Variants in GLRA3 observed in about 807,000 individuals in gnomAD.
The protein encoded by GLRA3 is glycine receptor subunit alpha-3.
GLRA3 carries 44 observed loss-of-function variants against 60.4 expected under a neutral mutation model. The observed-to-expected ratio is 0.73, with a 90% CI of 0.57 to 0.94. The LOEUF is 0.94. Ranked by LOEUF, GLRA3 falls within the 40% of genes least tolerant of loss-of-function variation. GLRA3 has a pLI of 0.00. For synonymous variants in GLRA3, 223 were observed against 192.9 expected, an observed-to-expected ratio of 1.16 and a Z score of -1.29; for missense variants, 508 against 564.6, an observed-to-expected ratio of 0.90 and a Z score of 1.02.
chr4:174,819,787 T>C (rs532618533), intron 1 of GLRA3, among the ~76,000 whole-genome samples: 159 of 152,306 alleles, frequency 1.0e-3, no homozygotes, highest in African/African-American at 3.2e-3. Flanking sequence ...AATTGGAAAC[T>C]TATTAGAGAT....
At chr4:174,688,352 TATATA>T (rs1285367245) in intron 5 of GLRA3, among the ~76,000 whole-genome samples, 1 of 133,738 alleles carries the variant, frequency 7.5e-6, no homozygotes, top group African/African-American at 2.8e-5. Context: ...TATATATATA[TATATA>T]TATATATATA....
chr4:174,665,604 C>T (rs2110912727), intron 7 of GLRA3, among the ~76,000 whole-genome samples: 1 of 152,236 alleles, frequency 6.6e-6, no homozygotes, highest in South Asian at 2.1e-4. Flanking sequence ...GATGAGATGT[C>T]TATCCTAATA....
At chr4:174,700,650 G>T (rs946563492) in intron 5 of GLRA3, among the ~76,000 whole-genome samples, 3 of 152,200 alleles carry the variant, frequency 2.0e-5, no homozygotes, top group Non-Finnish European at 2.9e-5. Flanking sequence ...TGGCACCTAA[G>T]AGTTAACCAA....
intron 8 of GLRA3, among the ~76,000 whole-genome samples, chr4:174,657,303 G>A (rs535365661): frequency 6.6e-6 from 1 of 152,250 alleles, no homozygotes; most frequent in South Asian, 2.1e-4. Flanking sequence ...GATGTGTGGT[G>A]GATGTAGGAT....
At chr4:174,754,597 T>C (rs989149036) in intron 3 of GLRA3, among the ~76,000 whole-genome samples, 5 of 152,160 alleles carry the variant, frequency 3.3e-5, no homozygotes, top group African/African-American at 1.2e-4. Flanking sequence ...TGAATGCTAT[T>C]ATGGTACTTA....
At chr4:174,691,842 C>T (rs547604714) in intron 5 of GLRA3, among the ~76,000 whole-genome samples, 2,309 of 152,018 alleles carry the variant, frequency 0.015, 61 homozygotes, top group African/African-American at 0.051. Context: ...AGCGTCTCTG[C>T]CTGGCCGCCC....
chr4:174,653,106 C>T (rs1402059432), intron 9 of GLRA3, among the ~76,000 whole-genome samples: 3 of 152,046 alleles, frequency 2.0e-5, no homozygotes, highest in Non-Finnish European at 2.9e-5. Context: ...TTTTTTGTAA[C>T]TTTATTACCA....
At position 174,677,287 on chromosome 4, in the gene GLRA3, A is replaced by G; in HGVS notation, c.718T>C (p.Phe240Leu). ...YCTKHYNTGK[F>L]TCIEVRFHLE... Reference sequence around the variant, plus strand: ...TGGAATCGCACTTCTATACACGTAAACTTTCCTAATTGGTGGTAAGGTAAA... The same window carrying G: ...TGGAATCGCACTTCTATACACGTAAGCTTTCCTAATTGGTGGTAAGGTAAA... Residue 240 changes from phenylalanine to leucine, a missense_variant, in exon 7 of 10, where the codon TTT (phenylalanine) becomes CTT (leucine). Around this residue, in one of 3 missense-constraint regions of GLRA3, gnomAD observed 329 missense variants for 349.3 expected, o/e 0.94. Transcript: ENST00000274093. 1 of 1,592,128 alleles carries G rather than the reference A, an allele frequency of 6.3e-7. No individual in the cohort carries two copies. Among genetic ancestry groups the G allele is most frequent in the Non-Finnish European group, 8.6e-7 (1 of 1,161,116 alleles).
chr4:174,738,358 C>A (rs574426383), intron 3 of GLRA3, among the ~76,000 whole-genome samples: 1 of 152,222 alleles, frequency 6.6e-6, no homozygotes, highest in Non-Finnish European at 1.5e-5. Context: ...GTAGAGAACA[C>A]CACTCATTTT....
At position 174,643,557 on chromosome 4, in the gene GLRA3, C is replaced by T. The variant is rs943428799; in HGVS notation, c.*229G>A. 8.4e-7 allele frequency: 1 copy of T among 1,193,494 alleles called. No individual in the cohort carries two copies. The highest frequency in any genetic ancestry group is 1.0e-6 in the Non-Finnish European group (1 of 958,816). The allele number at this position is 1,193,494 out of a possible 1,614,324, so 73.9% of individuals were successfully genotyped here. ...GGTTTACTGTGAAAAAACAAATCAC[C>T]TGGAATTAATATGAAATAGAATCCC... On this transcript the variant is annotated 3_prime_UTR_variant, in exon 10 of 10. Coordinates refer to ENST00000274093, the MANE Select transcript of GLRA3 (RefSeq NM_006529.4).
intron 6 of GLRA3, 130 bp from the exon 7 acceptor site, chr4:174,677,422 T>C: frequency 1.6e-6 from 1 of 615,462 alleles, no homozygotes; most frequent in Non-Finnish European, 2.9e-6. Flanking sequence ...TGAAGTGGCA[T>C]GATCTCAGCT....
chr4:174,690,490 T>A (rs1186875345), intron 5 of GLRA3, among the ~76,000 whole-genome samples: 1 of 152,172 alleles, frequency 6.6e-6, no homozygotes, highest in African/African-American at 2.4e-5. Context: ...TTTTGTTTGT[T>A]ATTATTGTAT....
intron 1 of GLRA3, among the ~76,000 whole-genome samples, chr4:174,795,520 T>C (rs1361865923): frequency 1.3e-5 from 2 of 152,142 alleles, no homozygotes; most frequent in East Asian, 1.9e-4. Flanking sequence ...GAGGAATATG[T>C]AAGAGGTGAT....
At chr4:174,678,268 T>A (rs1453317980) in intron 6 of GLRA3, among the ~76,000 whole-genome samples, 1 of 152,144 alleles carries the variant, frequency 6.6e-6, no homozygotes, top group Non-Finnish European at 1.5e-5. Flanking sequence ...AAGTCGATAT[T>A]TTTTGCTTGT....
In GLRA3 at chr4:174,688,317, T is replaced by TTATATA. The variant is rs1734627732; in HGVS notation, c.575-5379_575-5378insTATATA. 4.2e-4 allele frequency among the ~76,000 whole-genome samples: 30 copies of TTATATA among 71,334 alleles called. 8 individuals carry two copies. Among genetic ancestry groups the TTATATA allele is most frequent in the South Asian group, 1.5e-3 (3 of 1,950 alleles). 46.8% of individuals were successfully genotyped at this position (71,334 alleles called of 152,430 possible). A position where few individuals can be genotyped will look rare whatever the true frequency, so the allele number is the denominator to read the frequency against. On this transcript the variant is annotated intron_variant, in intron 5 of 9. Transcript: ENST00000274093. ...CCATAGTACTTATCCTTACCTGACA[T>TTATATA]CATATATATATATATATATATATAT...
intron 1 of GLRA3, among the ~76,000 whole-genome samples, chr4:174,790,823 T>TATAAAAAAA (rs1739308791): frequency 5.9e-5 from 1 of 16,966 alleles, no homozygotes; most frequent in African/African-American, 2.7e-4. Context: ...TACTAAAAAA[T>TATAAAAAAA]ACAAAAAAAA....
chr4:174,705,346 C>A lies in GLRA3; in HGVS notation c.574+10142G>T, dbSNP rs756968470. Among the ~76,000 whole-genome samples the A allele has an allele frequency of 3.5e-4, 51 of 144,226 alleles. 7 individuals carry two copies. The highest frequency in any genetic ancestry group is 5.9e-4 in the Non-Finnish European group (38 of 64,878). 94.6% of individuals were successfully genotyped at this position (144,226 alleles called of 152,430 possible). A position where few individuals can be genotyped will look rare whatever the true frequency, so the allele number is the denominator to read the frequency against. On this transcript the variant is annotated intron_variant, in intron 5 of 9. Transcript: ENST00000274093. ...ATTTTGGATTTTCCAGCCTCCAGAA[C>A]TGTGAGCCAATACATTTCTATCCAT... is the stretch of plus-strand genomic sequence containing the variant.
At chr4:174,697,744 C>A (rs1735117707) in intron 5 of GLRA3, among the ~76,000 whole-genome samples, 1 of 149,274 alleles carries the variant, frequency 6.7e-6, no homozygotes, top group Admixed American at 6.8e-5. Context: ...AACTGCTCTT[C>A]TTAAATGACA....
chr4:174,784,619 C>T (rs983519963), intron 2 of GLRA3, among the ~76,000 whole-genome samples: 5 of 152,000 alleles, frequency 3.3e-5, no homozygotes, highest in Non-Finnish European at 7.4e-5. Flanking sequence ...TTCCTTAAGA[C>T]CAAATTTTTG....
Sources: gnomAD v4.1 joint callset for allele counts (sites outside exome capture counted in the v4.1 genomes callset) on GRCh38, gnomAD v4.1.1 for gene constraint, gnomAD v4.1.1 regional missense constraint, MANE v1.5 for transcripts, NCBI Gene and HGNC (gene_info 2026-07-23, HGNC 2026-07-21) for gene names.